PATJ: variants seen among roughly 807,000 people sequenced by gnomAD.
The protein encoded by PATJ is inaD-like protein.
A neutral mutation model predicts 224.9 loss-of-function variants in PATJ; 190 were observed. That is an observed-to-expected ratio of 0.84 (90% confidence interval 0.75 to 0.95). The LOEUF is 0.95. Ranked by LOEUF, PATJ falls within the 40% of genes least tolerant of loss-of-function variation. The pLI, the probability that PATJ is intolerant of heterozygous loss-of-function variation, is 0.00. For missense variants in PATJ, 2,121 were observed against 2,270.3 expected (o/e 0.93, Z 1.34); for synonymous variants, 769 against 820.3 (o/e 0.94, Z 1.07).
intron 27 of PATJ, among the ~76,000 whole-genome samples, chr1:61,944,602 G>A (rs1292758325): frequency 2.0e-5 from 3 of 152,178 alleles, no homozygotes; most frequent in African/African-American, 7.2e-5. Flanking sequence ...ACGTCTGATT[G>A]GTGTACCTGA....
intron 27 of PATJ, among the ~76,000 whole-genome samples, chr1:61,968,906 A>G (rs1682552734): frequency 1.3e-5 from 2 of 152,214 alleles, no homozygotes; most frequent in South Asian, 2.1e-4. Context: ...GTACCTGGCA[A>G]CCACCATTAC....
chr1:61,769,340 A>G lies in PATJ; in HGVS notation c.442A>G (p.Ser148Gly), dbSNP rs1238288426. ...GCCTTCAACTGGAGGCCTTGGATTC[A>G]GTGTGGTGGCCCTCAGAAGTCAAAA... ...ERPSTGGLGF[S>G]VVALRSQNLG... Residue 148 changes from serine (S) to glycine (G), a missense_variant, in exon 5 of 44, where the codon AGT becomes GGT. By Grantham distance (56) the Ser-to-Gly change is moderately conservative. Coordinates refer to ENST00000642238, the MANE Select transcript of PATJ (RefSeq NM_001350145.3). The G allele has an allele frequency of 4.3e-6, 7 of 1,613,922 alleles. No individual in the cohort carries two copies. In the Admixed American group the frequency reaches 8.3e-5, roughly 19 times the overall value.
chr1:62,072,655 T>C (rs967670347), intron 31 of PATJ: 1 of 140,380 alleles, frequency 7.1e-6, no homozygotes, highest in Non-Finnish European at 1.5e-5. Flanking sequence ...ACAGAGCAGG[T>C]GAAAACCCCT....
chr1:62,015,324 G>A (rs911055649), intron 28 of PATJ, among the ~76,000 whole-genome samples: 6 of 151,794 alleles, frequency 4.0e-5, no homozygotes, highest in East Asian at 1.9e-4. Flanking sequence ...AGAAAGAAAC[G>A]TAATAGCAAA....
chr1:62,136,691 GTC>G lies in PATJ; in HGVS notation c.5271+7748_5271+7749del, dbSNP rs1338085742. 2.0e-3 allele frequency among the ~76,000 whole-genome samples: 281 copies of G among 142,740 alleles called. 1 individual carries two copies. Among genetic ancestry groups the G allele is most frequent in the Non-Finnish European group, 3.3e-3 (209 of 63,640 alleles). The allele number at this position is 142,740 out of a possible 152,430, so 93.6% of individuals were successfully genotyped here. ...TGTGTGTGTGTGTGTGTGTGTGTGT[GTC>G]TGTGTGTGTGTGTGGTGTGTTGTTT... On this transcript the variant is annotated intron_variant, in intron 41 of 43. Coordinates refer to ENST00000642238, the MANE Select transcript of PATJ (RefSeq NM_001350145.3).
chr1:62,064,348 C>T (rs1205562328), intron 31 of PATJ, among the ~76,000 whole-genome samples: 3 of 147,520 alleles, frequency 2.0e-5, no homozygotes, highest in African/African-American at 7.5e-5. Flanking sequence ...TTTTTTAGAC[C>T]GAGTCTTACT....
At chr1:62,089,025 C>T (rs1026319966) in intron 33 of PATJ, among the ~76,000 whole-genome samples, 19 of 152,112 alleles carry the variant, frequency 1.2e-4, no homozygotes, top group Admixed American at 3.9e-4. Context: ...GTAGTGAATT[C>T]CTTCATAACA....
intron 17 of PATJ, among the ~76,000 whole-genome samples, chr1:61,834,916 A>T (rs1483426119): frequency 6.6e-6 from 1 of 152,022 alleles, no homozygotes; most frequent in African/African-American, 2.4e-5. Context: ...TTTAGTAGAG[A>T]TGGGTTTTCA....
At chr1:62,123,522 G>C (rs1330233477) in intron 39 of PATJ, among the ~76,000 whole-genome samples, 1 of 129,290 alleles carries the variant, frequency 7.7e-6, no homozygotes, top group Non-Finnish European at 1.5e-5. Context: ...CTGTCACCCA[G>C]GCTAGAGTGC....
intron 28 of PATJ, among the ~76,000 whole-genome samples, chr1:62,004,855 C>T (rs1046968150): frequency 2.0e-5 from 3 of 152,190 alleles, no homozygotes; most frequent in African/African-American, 7.2e-5. Context: ...ACTCACAGAA[C>T]TTTCTTTAAA....
intron 28 of PATJ, among the ~76,000 whole-genome samples, chr1:62,016,735 C>T (rs528815431): frequency 6.6e-6 from 1 of 152,194 alleles, no homozygotes; most frequent in South Asian, 2.1e-4. Context: ...TCATTGATGG[C>T]GTTCAGTAAA....
chr1:61,868,508 G>C (rs1343166343), intron 20 of PATJ, among the ~76,000 whole-genome samples: 1 of 152,148 alleles, frequency 6.6e-6, no homozygotes, highest in Admixed American at 6.5e-5. Context: ...AGTTGAATAG[G>C]CCGGGCATGG....
At chr1:61,757,985 T>A (rs1466658840) in intron 1 of PATJ, among the ~76,000 whole-genome samples, 1 of 152,014 alleles carries the variant, frequency 6.6e-6, no homozygotes, top group Non-Finnish European at 1.5e-5. Context: ...ACACACACAT[T>A]TTTTTTTCTT....
At chr1:61,754,958 G>A (rs770018771) in intron 1 of PATJ, among the ~76,000 whole-genome samples, 61 of 151,830 alleles carry the variant, frequency 4.0e-4, no homozygotes, top group Non-Finnish European at 7.2e-4. Flanking sequence ...CCTTACCAAG[G>A]GATACTCCAG....
rs540091605 is a variant in PATJ, at chr1:62,163,833, T to C, written c.*2779T>C. 1.6e-4 allele frequency: 25 copies of C among 152,278 alleles called. No homozygotes were observed. The South Asian group carries it at 3.1e-3, about 19-fold the overall frequency. The allele number at this position is 152,278 out of a possible 1,614,324, so 9.4% of individuals were successfully genotyped here. On this transcript the variant is annotated 3_prime_UTR_variant, in exon 44 of 44. Coordinates refer to ENST00000642238, the MANE Select transcript of PATJ (RefSeq NM_001350145.3). Reference sequence around the variant, plus strand: ...AATCGGAATTAGCATGAGAGGGAAGTAAGCCAGGAAGAATAAAACTGCTGA... The same window carrying C: ...AATCGGAATTAGCATGAGAGGGAAGCAAGCCAGGAAGAATAAAACTGCTGA...
At chr1:62,160,574 G>A (rs985954002) in intron 43 of PATJ, among the ~76,000 whole-genome samples, 3 of 152,148 alleles carry the variant, frequency 2.0e-5, no homozygotes, top group African/African-American at 7.2e-5. Context: ...TGTATATTAC[G>A]TTTTCATGAA....
At chr1:61,854,156 G>T (rs540142129) in intron 17 of PATJ, among the ~76,000 whole-genome samples, 1 of 152,096 alleles carries the variant, frequency 6.6e-6, no homozygotes. Flanking sequence ...AGACATAGCC[G>T]GGAACTTGGC....
At chr1:61,907,545 C>T (rs139954633) in intron 24 of PATJ, among the ~76,000 whole-genome samples, 15 of 152,234 alleles carry the variant, frequency 9.9e-5, no homozygotes, top group Non-Finnish European at 1.8e-4. Flanking sequence ...TTTCTCTGCA[C>T]TGTATCATTA....
chr1:61,987,734 C>T (rs1362614520), intron 27 of PATJ, among the ~76,000 whole-genome samples: 1 of 152,176 alleles, frequency 6.6e-6, no homozygotes, highest in Non-Finnish European at 1.5e-5. Flanking sequence ...AGTTTGCAGC[C>T]AACAGCTACC....
Sources: allele counts gnomAD v4.1 joint callset (sites outside exome capture counted in the v4.1 genomes callset), GRCh38; gene constraint gnomAD v4.1.1; transcripts MANE v1.5; gene names NCBI Gene and HGNC (gene_info 2026-07-23, HGNC 2026-07-21).